Variants in KHDRBS2 observed in about 807,000 individuals in gnomAD.
The protein encoded by KHDRBS2 is KH domain-containing, RNA-binding, signal transduction-associated protein 2.
Under a neutral mutation model 44.3 loss-of-function variants are expected in KHDRBS2, and 26 were observed. That is an observed-to-expected ratio of 0.59 (90% CI 0.43 to 0.81). KHDRBS2 has a LOEUF of 0.81. Among genes scored for constraint, KHDRBS2 ranks in the 40% least tolerant of loss-of-function variants. The pLI, the probability that KHDRBS2 is intolerant of heterozygous loss-of-function variation, is 0.00. For missense variants in KHDRBS2, 476 were observed against 433.1 expected, an observed-to-expected ratio of 1.10 and a Z score of -0.88; for synonymous variants, 194 against 151.1, an observed-to-expected ratio of 1.28 and a Z score of -2.08.
chr6:61,952,299 T>A (rs935187867), intron 4 of KHDRBS2, among the ~76,000 whole-genome samples: 11 of 152,112 alleles, frequency 7.2e-5, no homozygotes, highest in Middle Eastern at 3.4e-3. Context: ...ATAAGGACAA[T>A]TTATCTGGGG....
At chr6:62,064,616 A>G (rs1228438710) in intron 2 of KHDRBS2, among the ~76,000 whole-genome samples, 1 of 149,934 alleles carries the variant, frequency 6.7e-6, no homozygotes, top group African/African-American at 2.5e-5. Flanking sequence ...CTTACACCTT[A>G]TACAAAAATC....
At position 61,851,307 on chromosome 6, in the gene KHDRBS2, G is replaced by A. The variant is rs539814701; in HGVS notation, c.810+43328C>T. Among the ~76,000 whole-genome samples the A allele has an allele frequency of 2.6e-5, 4 of 151,758 alleles. No homozygotes were observed. In the South Asian group the frequency reaches 6.3e-4, roughly 24 times the overall value. On this transcript the variant is annotated intron_variant, in intron 6 of 8. Transcript: ENST00000281156. ...TATGTGTGTGTGTGTATATATATGT[G>A]TATATATATATCTCCTACTTACTTT...
At chr6:61,696,237 TTTTATTTATTTA>T (rs10527202) in intron 8 of KHDRBS2, among the ~76,000 whole-genome samples, 4 of 146,050 alleles carry the variant, frequency 2.7e-5, no homozygotes, top group Non-Finnish European at 4.5e-5. Flanking sequence ...CATATATGTA[TTTTATTTATTTA>T]TTTATTTATT....
chr6:61,677,329 T>C (rs1213639968), downstream of KHDRBS2, among the ~76,000 whole-genome samples: 2 of 151,924 alleles, frequency 1.3e-5, no homozygotes, highest in African/African-American at 2.4e-5. Context: ...GAGAGATTCT[T>C]TTTCCTCTTG....
intron 4 of KHDRBS2, among the ~76,000 whole-genome samples, chr6:61,957,770 C>T (rs548937270): frequency 9.7e-4 from 148 of 152,260 alleles, no homozygotes; most frequent in Admixed American, 3.2e-3. Flanking sequence ...TATCTTATTA[C>T]CTTGTGAGAC....
chr6:61,557,422 G>A, the KHDRBS2 span, among the ~76,000 whole-genome samples: 223 of 152,238 alleles, frequency 1.5e-3, no homozygotes, highest in African/African-American at 5.0e-3. Flanking sequence ...CAGACAGAAG[G>A]CTGTAAAACA....
chr6:61,983,273 C>G (rs929217831), intron 3 of KHDRBS2, among the ~76,000 whole-genome samples: 4 of 76,602 alleles, frequency 5.2e-5, no homozygotes, highest in African/African-American at 2.2e-4. Context: ...GACTAAGTCT[C>G]ACTATGTTGC....
At chr6:62,153,643 T>C (rs1293544066) in intron 2 of KHDRBS2, among the ~76,000 whole-genome samples, 1 of 152,170 alleles carries the variant, frequency 6.6e-6, no homozygotes, top group Non-Finnish European at 1.5e-5. Context: ...AATATGATCA[T>C]TGCTACCTAC....
intron 1 of KHDRBS2, among the ~76,000 whole-genome samples, chr6:62,183,881 C>CT (rs887882517): frequency 6.6e-5 from 10 of 151,524 alleles, no homozygotes; most frequent in Non-Finnish European, 1.5e-4. Flanking sequence ...TTGGAAGGAA[C>CT]TTTAACTATT....
At chr6:62,235,196 A>C (rs142215766) in intron 1 of KHDRBS2, among the ~76,000 whole-genome samples, 1 of 151,640 alleles carries the variant, frequency 6.6e-6, no homozygotes, top group Non-Finnish European at 1.5e-5. Context: ...CGGGATGGTA[A>C]ATTGTTCAAG....
intron 2 of KHDRBS2, among the ~76,000 whole-genome samples, chr6:62,132,257 C>T (rs1213278838): frequency 6.6e-6 from 1 of 152,132 alleles, no homozygotes; most frequent in East Asian, 1.9e-4. Flanking sequence ...TCAGCTAAGT[C>T]ATTCTTAAAA....
the KHDRBS2 span, among the ~76,000 whole-genome samples, chr6:61,595,543 C>A: frequency 6.6e-6 from 1 of 152,028 alleles, no homozygotes; most frequent in African/African-American, 2.4e-5. Flanking sequence ...TTGCTTCTCT[C>A]ATACACTTTG....
At chr6:62,146,145 G>A (rs1182067474) in intron 2 of KHDRBS2, among the ~76,000 whole-genome samples, 2 of 151,732 alleles carry the variant, frequency 1.3e-5, no homozygotes, top group African/African-American at 4.8e-5. Context: ...CTCCCCTTGA[G>A]AATTACATTT....
At chr6:61,567,608 A>T in the KHDRBS2 span, among the ~76,000 whole-genome samples, 89,900 of 152,004 alleles carry the variant, frequency 0.59, 26,802 homozygotes, top group Non-Finnish European at 0.61. Context: ...GCCACTGCAC[A>T]CTAGCTTGGG....
At position 61,710,380 on chromosome 6, in the gene KHDRBS2, T is replaced by C. The variant is rs573640814; in HGVS notation, c.894-13127A>G. 7.9e-5 allele frequency among the ~76,000 whole-genome samples: 12 copies of C among 151,876 alleles called. No individual in the cohort carries two copies. The East Asian group carries it at 2.2e-3, about 27-fold the overall frequency. ...GTCTTTGTTTACCATCACTGCGGCA[T>C]ACTTTGAACTCAATTTTAATTATGT... On this transcript the variant is annotated intron_variant, in intron 7 of 8. Coordinates refer to ENST00000281156, the MANE Select transcript of KHDRBS2 (RefSeq NM_152688.4).
chr6:61,968,021 A>G (rs1162919514), intron 4 of KHDRBS2, among the ~76,000 whole-genome samples: 3 of 150,360 alleles, frequency 2.0e-5, no homozygotes, highest in African/African-American at 7.3e-5. Flanking sequence ...TGCACTCCTC[A>G]CAGTGCATGG....
At chr6:62,117,243 T>C (rs1027482514) in intron 2 of KHDRBS2, among the ~76,000 whole-genome samples, 2 of 152,176 alleles carry the variant, frequency 1.3e-5, no homozygotes, top group African/African-American at 4.8e-5. Context: ...TTTTCATTTT[T>C]CTACATCCTT....
intron 6 of KHDRBS2, among the ~76,000 whole-genome samples, chr6:61,782,328 AC>A (rs1388000190): frequency 6.6e-6 from 1 of 152,074 alleles, no homozygotes; most frequent in Non-Finnish European, 1.5e-5. Flanking sequence ...TTTAAGATCA[AC>A]CAACTCATTC....
the KHDRBS2 span, among the ~76,000 whole-genome samples, chr6:61,660,425 A>C: frequency 6.6e-6 from 1 of 151,842 alleles, no homozygotes; most frequent in Non-Finnish European, 1.5e-5. Context: ...TTTCATTAAA[A>C]AAATTACTTA....
Sources: allele counts gnomAD v4.1 joint callset (sites outside exome capture counted in the v4.1 genomes callset), GRCh38; gene constraint gnomAD v4.1.1; transcripts MANE v1.5; gene names NCBI Gene and HGNC (gene_info 2026-07-23, HGNC 2026-07-21).